Variants in ZFHX3 observed in about 807,000 individuals in gnomAD.
The protein encoded by ZFHX3 is zinc finger homeobox 3.
ZFHX3 carries 42 observed loss-of-function variants against 279.1 expected under a neutral mutation model. The observed-to-expected ratio is 0.15, with a 90% CI of 0.12 to 0.19. The LOEUF is 0.19. ZFHX3 is among the 10% of genes least tolerant of loss of function. ZFHX3 has a pLI of 1.00. For missense variants in ZFHX3, 4,981 were observed against 4,754.0 expected (o/e 1.05, Z -1.40); for synonymous variants, 2,293 against 1,957.8 (o/e 1.17, Z -4.52).
intron 1 of ZFHX3, among the ~76,000 whole-genome samples, chr16:72,984,792 T>C (rs1283079294): frequency 6.6e-6 from 1 of 152,106 alleles, no homozygotes; most frequent in Non-Finnish European, 1.5e-5. Flanking sequence ...TAAACCTCAC[T>C]ATCGTGTGCA....
intron 1 of ZFHX3, among the ~76,000 whole-genome samples, chr16:73,864,913 G>C (rs1242748447): frequency 6.6e-6 from 1 of 152,176 alleles, no homozygotes; most frequent in African/African-American, 2.4e-5. Context: ...TTCAATATGG[G>C]CTGGCCTCAC....
At chr16:73,774,876 C>T (rs2054059481) in intron 1 of ZFHX3, among the ~76,000 whole-genome samples, 1 of 152,138 alleles carries the variant, frequency 6.6e-6, no homozygotes, top group South Asian at 2.1e-4. Flanking sequence ...TGAATTGCTC[C>T]TAATCACATT....
At chr16:73,853,455 A>G (rs886752407) in intron 1 of ZFHX3, among the ~76,000 whole-genome samples, 3 of 152,208 alleles carry the variant, frequency 2.0e-5, no homozygotes, top group African/African-American at 4.8e-5. Context: ...TTGACTGGAT[A>G]AAGAAAATGT....
chr16:73,181,636 A>C (rs578004640), intron 5 of ZFHX3, among the ~76,000 whole-genome samples: 21 of 152,280 alleles, frequency 1.4e-4, no homozygotes, highest in African/African-American at 5.1e-4. Flanking sequence ...CTTGACTGTG[A>C]ATATACAATC....
chr16:73,503,479 T>TG (rs1226853270), intron 2 of ZFHX3, among the ~76,000 whole-genome samples: 2 of 152,190 alleles, frequency 1.3e-5, no homozygotes, highest in Non-Finnish European at 2.9e-5. Context: ...TGTCTGCTCT[T>TG]GGGGGTGGTA....
intron 5 of ZFHX3, among the ~76,000 whole-genome samples, chr16:72,817,095 T>C (rs74454368): frequency 0.045 from 6,879 of 152,294 alleles, 711 homozygotes; most frequent in East Asian, 0.3. Flanking sequence ...AGCAAAACTT[T>C]GTGTAGGAAG....
At chr16:72,984,493 G>A (rs1363468603) in intron 1 of ZFHX3, among the ~76,000 whole-genome samples, 1 of 152,068 alleles carries the variant, frequency 6.6e-6, no homozygotes, top group Non-Finnish European at 1.5e-5. Context: ...AGACATGGTG[G>A]TGCACGCCTG....
chr16:72,800,189 T>C, intron 7 of ZFHX3, 60 bp from the exon 8 acceptor site: 2 of 1,458,764 alleles, frequency 1.4e-6, no homozygotes, highest in South Asian at 2.3e-5. Context: ...ATAGGAAATG[T>C]TTAAAAATTA....
At chr16:73,721,396 A>G (rs1466876195) in intron 1 of ZFHX3, among the ~76,000 whole-genome samples, 1 of 152,188 alleles carries the variant, frequency 6.6e-6, no homozygotes, top group African/African-American at 2.4e-5. Context: ...TGCTGGGATT[A>G]CAGGTGTGAG....
chr16:73,015,792 A>G (rs1291707226), intron 1 of ZFHX3: 1 of 152,246 alleles, frequency 6.6e-6, no homozygotes, highest in African/African-American at 2.4e-5. Flanking sequence ...GCCTGGGGCC[A>G]CTGGATCTTG....
chr16:73,727,890 A>G (rs2142245200), intron 1 of ZFHX3, among the ~76,000 whole-genome samples: 1 of 152,222 alleles, frequency 6.6e-6, no homozygotes, highest in Non-Finnish European at 1.5e-5. Flanking sequence ...CATGAGAGAA[A>G]AGCTAACGGG....
At chr16:73,190,830 G>A (rs533730093) in intron 5 of ZFHX3, among the ~76,000 whole-genome samples, 2 of 152,274 alleles carry the variant, frequency 1.3e-5, no homozygotes, top group Non-Finnish European at 2.9e-5. Flanking sequence ...ATGTGTGGGG[G>A]AGAGCAGAGT....
At chr16:72,925,896 C>A (rs530349682) in intron 3 of ZFHX3, among the ~76,000 whole-genome samples, 1 of 152,292 alleles carries the variant, frequency 6.6e-6, no homozygotes, top group East Asian at 1.9e-4. Flanking sequence ...CTGTCCCCCA[C>A]TACTCATTAT....
chr16:73,195,910 G>C (rs1023262704), intron 5 of ZFHX3, among the ~76,000 whole-genome samples: 1 of 152,144 alleles, frequency 6.6e-6, no homozygotes, highest in African/African-American at 2.4e-5. Context: ...ATGGTGCAGA[G>C]AGGAAAGATA....
In ZFHX3 at chr16:72,950,514, C is replaced by G; in HGVS notation, c.3171G>C (p.Leu1057=). Residue 1057 remains leucine, a synonymous_variant, in exon 3 of 10, where the codon CTG becomes CTC. Transcript: ENST00000268489. ...YYTNSLEKLR[L]HTVNSRHEAS... ...CCTCGTGCCTGGAGTTGACCGTGTG[C>G]AGCCGCAGCTTCTCCAGGCTGTTGG... is the stretch of plus-strand genomic sequence containing the variant. The G allele has an allele frequency of 6.2e-7, 1 of 1,614,224 alleles. No homozygotes were observed. Among genetic ancestry groups the G allele is most frequent in the Non-Finnish European group, 8.5e-7 (1 of 1,180,030 alleles).
intron 1 of ZFHX3, among the ~76,000 whole-genome samples, chr16:73,741,719 C>A (rs2053659580): frequency 6.6e-6 from 1 of 152,138 alleles, no homozygotes; most frequent in Admixed American, 6.5e-5. Flanking sequence ...TCTTTTATAT[C>A]CTTTTTTATT....
intron 3 of ZFHX3, chr16:73,400,864 G>C (rs1431156568): frequency 6.6e-6 from 1 of 152,096 alleles, no homozygotes; most frequent in Admixed American, 6.5e-5. Context: ...TTATTACCTT[G>C]TGTTCTTCCG....
intron 1 of ZFHX3, among the ~76,000 whole-genome samples, chr16:73,797,056 A>G (rs1960014753): frequency 6.6e-6 from 1 of 151,998 alleles, no homozygotes; most frequent in Non-Finnish European, 1.5e-5. Context: ...AAAAAAAATT[A>G]GCCAGGCAGG....
chr16:73,436,148 G>A (rs558305982), intron 3 of ZFHX3, among the ~76,000 whole-genome samples: 6 of 152,294 alleles, frequency 3.9e-5, no homozygotes, highest in East Asian at 3.9e-4. Context: ...TGACCAACAC[G>A]GAGAAACCCT....
Sources: allele counts gnomAD v4.1 joint callset (sites outside exome capture counted in the v4.1 genomes callset), GRCh38; gene constraint gnomAD v4.1.1; transcripts MANE v1.5; gene names NCBI Gene and HGNC (gene_info 2026-07-23, HGNC 2026-07-21).